Variants in SACM1L observed in about 807,000 individuals in gnomAD.
SACM1L encodes SAC1 like phosphatidylinositide phosphatase.
A neutral mutation model predicts 89.5 loss-of-function variants in SACM1L; 32 were observed. The observed-to-expected ratio is 0.36, with a 90% CI of 0.27 to 0.48. SACM1L has a LOEUF of 0.48. Among genes scored for constraint, SACM1L ranks in the 20% least tolerant of loss-of-function variants. The pLI is 0.99. For missense variants in SACM1L, 543 were observed against 708.5 expected (o/e 0.77, Z 2.65); for synonymous variants, 213 against 232.8 (o/e 0.92, Z 0.77).
At chr3:45,716,772 C>T (rs979527030) in intron 7 of SACM1L, among the ~76,000 whole-genome samples, 76 of 152,244 alleles carry the variant, frequency 5.0e-4, no homozygotes, top group African/African-American at 1.8e-3. Flanking sequence ...GGAGAGAAGG[C>T]ATGGATGGCC....
intron 1 of SACM1L, among the ~76,000 whole-genome samples, chr3:45,699,555 TCTCA>T (rs1181524234): frequency 1.3e-5 from 2 of 152,134 alleles, no homozygotes; most frequent in African/African-American, 2.4e-5. Context: ...TGAGACTGAG[TCTCA>T]CTCTGTCGCC....
Position 45,703,550 on chromosome 3 carries a change from G to T in SACM1L, c.130+15G>T. The T allele has an allele frequency of 1.9e-6, 3 of 1,547,404 alleles. No individual in the cohort carries two copies. Among genetic ancestry groups the T allele is most frequent in the Non-Finnish European group, 2.7e-6 (3 of 1,121,046 alleles). ...TACCCTTGCAGGTATTTTACAGCCA[G>T]ATTTAGAAGTTTAGGGAGAAAGATT... On this transcript the variant is annotated intron_variant, in intron 2 of 19. Transcript: ENST00000389061.
chr3:45,695,104 G>T lies in SACM1L; in HGVS notation c.32+5607G>T, dbSNP rs1575381799. ...GGAGATACCCAAAGGGAGGATGAAT[G>T]GGGGAGGTAGGAGCACCTTCTGCCT... On this transcript the variant is annotated intron_variant, in intron 1 of 19. Coordinates refer to ENST00000389061, the MANE Select transcript of SACM1L (RefSeq NM_014016.5). Among the ~76,000 whole-genome samples the T allele has an allele frequency of 2.0e-5, 3 of 152,212 alleles. No individual in the cohort carries two copies. In the East Asian group the frequency reaches 5.8e-4, roughly 29 times the overall value.
At position 45,737,362 on chromosome 3, in the gene SACM1L, C is replaced by CG. The variant is rs1699224692; in HGVS notation, c.1240-216dup. 8.8e-6 allele frequency: 5 copies of CG among 566,850 alleles called. No homozygotes were observed. In the South Asian group the frequency reaches 1.1e-4, roughly 13 times the overall value. 35.1% of individuals were successfully genotyped at this position (566,850 alleles called of 1,614,324 possible). A position where few individuals can be genotyped will look rare whatever the true frequency, so the allele number is the denominator to read the frequency against. ...CCTGCTGCTATCCCTCAAGGGAGTG[C>CG]GGGGGCTGCAAGGCAAAGGTGCCCT... On this transcript the variant is annotated intron_variant, in intron 14 of 19. Transcript: ENST00000389061.
Position 45,737,758 on chromosome 3 carries a change from A to G in SACM1L, c.1310-14A>G. The G allele has an allele frequency of 6.2e-7, 1 of 1,607,708 alleles. No homozygotes were observed. On this transcript the variant is annotated splice_polypyrimidine_tract_variant and intron_variant, in intron 15 of 19. Coordinates refer to ENST00000389061, the MANE Select transcript of SACM1L (RefSeq NM_014016.5). ...ATCTTAATAATTATCAGCTGTTTTTACTTTTTTCTACAGCCTGGGCTGACA... is the reference window on the plus strand; with the variant it reads ...ATCTTAATAATTATCAGCTGTTTTTGCTTTTTTCTACAGCCTGGGCTGACA...
intron 7 of SACM1L, among the ~76,000 whole-genome samples, chr3:45,716,023 C>A (rs750960397): frequency 6.6e-6 from 1 of 152,080 alleles, no homozygotes; most frequent in Non-Finnish European, 1.5e-5. Context: ...ATATGTTTCA[C>A]ACACATACAG....
At chr3:45,729,280 T>A (rs577633917) in intron 11 of SACM1L, among the ~76,000 whole-genome samples, 279 of 12,168 alleles carry the variant, frequency 0.023, 3 homozygotes, top group African/African-American at 0.089. Context: ...AGAGACAGGG[T>A]TTTCATGTTG....
intron 4 of SACM1L, among the ~76,000 whole-genome samples, chr3:45,709,287 A>G (rs1698468064): frequency 6.6e-6 from 1 of 152,190 alleles, no homozygotes; most frequent in Non-Finnish European, 1.5e-5. Flanking sequence ...AAGTTACCTA[A>G]TAGTACCCTA....
At position 45,739,659 on chromosome 3, in the gene SACM1L, CACAT is replaced by C; in HGVS notation, c.1627+16_1627+19del. ...GCTTATGGCTGGTAAGTCTGCTCCA[CACAT>C]TTGTTTCTTAGTTAGAATGTTGACC... On this transcript the variant is annotated intron_variant, in intron 19 of 19. Coordinates refer to ENST00000389061, the MANE Select transcript of SACM1L (RefSeq NM_014016.5). 1 of 1,612,412 alleles carries C rather than the reference CACAT, an allele frequency of 6.2e-7. No individual in the cohort carries two copies. The highest frequency in any genetic ancestry group is 8.5e-7 in the Non-Finnish European group (1 of 1,178,578).
chr3:45,705,164 A>G lies in SACM1L; in HGVS notation c.160A>G (p.Thr54Ala), dbSNP rs567663299. Reference sequence around the variant, plus strand: ...GAAAGATGTTCCTCCTTCAGCTGTCACAAGACCAATATTTGGTATACTGGG... The same window carrying G: ...GAAAGATGTTCCTCCTTCAGCTGTCGCAAGACCAATATTTGGTATACTGGG... ...VKKDVPPSAV[T>A]RPIFGILGTI... Residue 54 changes from threonine (T) to alanine (A), a missense_variant, in exon 3 of 20, where the codon ACA becomes GCA. Around this residue, in one of 2 missense-constraint regions of SACM1L, gnomAD observed 173 missense variants for 180.9 expected, o/e 0.96. Coordinates refer to ENST00000389061, the MANE Select transcript of SACM1L (RefSeq NM_014016.5). 5.0e-6 allele frequency: 8 copies of G among 1,611,652 alleles called. No homozygotes were observed. In the South Asian group the frequency reaches 7.7e-5, roughly 16 times the overall value.
chr3:45,738,262 A>G (rs1266412885), intron 16 of SACM1L, among the ~76,000 whole-genome samples: 1 of 152,166 alleles, frequency 6.6e-6, no homozygotes, highest in Non-Finnish European at 1.5e-5. Flanking sequence ...GTTCCCTGGG[A>G]GCAGAATAAG....
intron 1 of SACM1L, among the ~76,000 whole-genome samples, chr3:45,702,095 A>C (rs1166672957): frequency 6.6e-6 from 1 of 152,210 alleles, no homozygotes; most frequent in Non-Finnish European, 1.5e-5. Context: ...ATTTTCCTTT[A>C]CTTAGCATAT....
Position 45,689,783 on chromosome 3 carries a change from A to G in SACM1L, c.32+286A>G, listed in dbSNP as rs4682797. 172,593 of 574,644 alleles carry G rather than the reference A, an allele frequency of 0.3. 30,078 individuals carry two copies. The highest frequency in any genetic ancestry group is 0.59 in the East Asian group (20,497 of 34,472). 35.6% of individuals were successfully genotyped at this position (574,644 alleles called of 1,614,324 possible). A position where few individuals can be genotyped will look rare whatever the true frequency, so the allele number is the denominator to read the frequency against. On this transcript the variant is annotated intron_variant, in intron 1 of 19. Transcript: ENST00000389061. ...CCACCGAGCCGGGGTCGGCGTTATG[A>G]TGCGGCCCTTCAGGGCACGCTTGTC... is the stretch of plus-strand genomic sequence containing the variant.
In SACM1L at chr3:45,706,817, A is replaced by G. The variant is rs767181905; in HGVS notation, c.243A>G (p.Val81=). Reference sequence around the variant, plus strand: ...TAGTCATTACCAAAAAGATAAAAGTAGGTGAATTTTTCAGTCATGTAGTCT... The same window carrying G: ...TAGTCATTACCAAAAAGATAAAAGTGGGTGAATTTTTCAGTCATGTAGTCT... ...YLIVITKKIK[V]GEFFSHVVWK... Residue 81 remains valine (V), a synonymous_variant, in exon 4 of 20, where the codon GTA becomes GTG. Transcript: ENST00000389061. The G allele has an allele frequency of 1.2e-6, 2 of 1,612,078 alleles. No individual in the cohort carries two copies. The highest frequency in any genetic ancestry group is 1.7e-6 in the Non-Finnish European group (2 of 1,178,638).
At chr3:45,738,107 C>T (rs912843999) in intron 16 of SACM1L, among the ~76,000 whole-genome samples, 2 of 152,268 alleles carry the variant, frequency 1.3e-5, no homozygotes, top group South Asian at 4.1e-4. Context: ...TTACCGTGTA[C>T]CTGAAGCACC....
intron 1 of SACM1L, among the ~76,000 whole-genome samples, chr3:45,694,424 A>G (rs1281435437): frequency 6.6e-6 from 1 of 152,194 alleles, no homozygotes; most frequent in Non-Finnish European, 1.5e-5. Context: ...ATGAACATTC[A>G]TATTATTCAC....
In SACM1L at chr3:45,705,166, A is replaced by G. The variant is rs868547762; in HGVS notation, c.162A>G (p.Thr54=). 2.5e-6 allele frequency: 4 copies of G among 1,611,798 alleles called. No homozygotes were observed. The highest frequency in any genetic ancestry group is 3.4e-6 in the Non-Finnish European group (4 of 1,178,464). The change falls in exon 3 of 20, where the codon ACA becomes ACG. Residue 54 remains threonine, a synonymous_variant. Transcript: ENST00000389061. ...AAGATGTTCCTCCTTCAGCTGTCACAAGACCAATATTTGGTATACTGGGCA... is the reference window on the plus strand; with the variant it reads ...AAGATGTTCCTCCTTCAGCTGTCACGAGACCAATATTTGGTATACTGGGCA... The part of the protein sequence containing the change: ...VKKDVPPSAV[T]RPIFGILGTI...
At chr3:45,707,562 T>G (rs1698428090) in intron 4 of SACM1L, among the ~76,000 whole-genome samples, 1 of 152,192 alleles carries the variant, frequency 6.6e-6, no homozygotes, top group South Asian at 2.1e-4. Flanking sequence ...AAGAAGTAGC[T>G]GACCATGGGA....
intron 11 of SACM1L, among the ~76,000 whole-genome samples, chr3:45,729,507 G>A (rs1447875440): frequency 6.6e-6 from 1 of 152,084 alleles, no homozygotes; most frequent in Non-Finnish European, 1.5e-5. Flanking sequence ...AACTACCTCA[G>A]GTTTTGTTTA....
Sources: allele counts gnomAD v4.1 joint callset (sites outside exome capture counted in the v4.1 genomes callset), GRCh38; gene constraint gnomAD v4.1.1; regional missense constraint gnomAD v4.1.1; transcripts MANE v1.5; gene names NCBI Gene and HGNC (gene_info 2026-07-23, HGNC 2026-07-21).